The following ADGRL3 variants were observed in gnomAD, a reference collection of about 807,000 sequenced individuals.
ADGRL3 encodes adhesion G protein-coupled receptor L3, also known as calcium-independent alpha-latrotoxin receptor 3.
ADGRL3 carries 62 observed loss-of-function variants against 153.5 expected under a neutral mutation model. The ratio of observed to expected loss-of-function variants is 0.40; its 90% CI spans 0.33 to 0.50. The LOEUF is 0.50. ADGRL3 is among the 20% of genes least tolerant of loss of function. The probability of loss-of-function intolerance (pLI) is 0.47; values close to 1 mark genes in which losing one functional copy is unlikely to be tolerated. For synonymous variants in ADGRL3, 710 were observed against 672.5 expected, an observed-to-expected ratio of 1.06 and a Z score of -0.86; for missense variants, 1,641 against 1,859.4, an observed-to-expected ratio of 0.88 and a Z score of 2.16.
chr4:61,401,074 T>A (rs936740460), intron 2 of ADGRL3, among the ~76,000 whole-genome samples: 2 of 151,750 alleles, frequency 1.3e-5, no homozygotes, highest in African/African-American at 4.8e-5. Context: ...TCTTTTTTTT[T>A]TTAAAAAAAA....
At chr4:61,993,164 T>TGTGTGTGTG (rs2099109254) in intron 19 of ADGRL3, among the ~76,000 whole-genome samples, 2 of 138,424 alleles carry the variant, frequency 1.4e-5, no homozygotes, top group Non-Finnish European at 3.1e-5. Flanking sequence ...TGGGCTGCAG[T>TGTGTGTGTG]TGTGTGTGTG....
At chr4:61,607,811 C>T (rs1249397397) in intron 5 of ADGRL3, among the ~76,000 whole-genome samples, 1 of 152,124 alleles carries the variant, frequency 6.6e-6, no homozygotes, top group Non-Finnish European at 1.5e-5. Flanking sequence ...AGCCCCTGAA[C>T]AAGGAAGAGA....
chr4:61,409,539 A>G (rs1301928196), intron 2 of ADGRL3, among the ~76,000 whole-genome samples: 1 of 150,898 alleles, frequency 6.6e-6, no homozygotes, highest in Admixed American at 6.7e-5. Flanking sequence ...ATTAATTCAT[A>G]GTTCCAAAAT....
At chr4:61,311,191 A>G (rs2094989878) in intron 1 of ADGRL3, among the ~76,000 whole-genome samples, 5 of 152,306 alleles carry the variant, frequency 3.3e-5, no homozygotes, top group Admixed American at 2.6e-4. Context: ...TATTAACACC[A>G]TAAAGTTTGG....
At chr4:61,417,932 T>C (rs1203595853) in intron 2 of ADGRL3, among the ~76,000 whole-genome samples, 1 of 152,158 alleles carries the variant, frequency 6.6e-6, no homozygotes, top group Non-Finnish European at 1.5e-5. Flanking sequence ...AAATGAAAGA[T>C]GAATTTTAGG....
At chr4:61,475,859 C>A (rs1159613872) in intron 2 of ADGRL3, among the ~76,000 whole-genome samples, 2 of 151,370 alleles carry the variant, frequency 1.3e-5, no homozygotes, top group African/African-American at 2.4e-5. Context: ...ATGTGTAGAT[C>A]ATGTACTGAT....
At chr4:62,043,829 G>A (rs9312085) in intron 24 of ADGRL3, among the ~76,000 whole-genome samples, 4,260 of 152,012 alleles carry the variant, frequency 0.028, 207 homozygotes, top group African/African-American at 0.099. Context: ...TTAGTTACCT[G>A]TAAAACTTCC....
intron 9 of ADGRL3, among the ~76,000 whole-genome samples, chr4:61,864,928 T>C (rs987229897): frequency 1.3e-5 from 2 of 152,188 alleles, no homozygotes; most frequent in African/African-American, 4.8e-5. Flanking sequence ...TGTATTTTGT[T>C]GTTGTTTTGT....
intron 8 of ADGRL3, among the ~76,000 whole-genome samples, chr4:61,763,580 C>A (rs534571336): frequency 3.1e-4 from 47 of 152,018 alleles, no homozygotes; most frequent in Non-Finnish European, 6.2e-4. Flanking sequence ...ATGCTATTTC[C>A]TCACGGTATA....
At chr4:61,745,522 T>C (rs1189159053) in intron 8 of ADGRL3, among the ~76,000 whole-genome samples, 1 of 152,096 alleles carries the variant, frequency 6.6e-6, no homozygotes. Context: ...CGGCAGAAAC[T>C]CTACAAGCCA....
intron 2 of ADGRL3, among the ~76,000 whole-genome samples, chr4:61,398,093 C>T (rs905928411): frequency 1.3e-5 from 2 of 151,788 alleles, no homozygotes; most frequent in African/African-American, 4.8e-5. Flanking sequence ...TTTACTTTAC[C>T]TTGTGAACAA....
At chr4:61,668,032 C>T (rs1447968247) in intron 5 of ADGRL3, among the ~76,000 whole-genome samples, 1 of 152,186 alleles carries the variant, frequency 6.6e-6, no homozygotes, top group African/African-American at 2.4e-5. Context: ...TTATGATCTT[C>T]TCCATAACCT....
intron 2 of ADGRL3, among the ~76,000 whole-genome samples, chr4:61,411,836 G>A (rs6843417): frequency 0.031 from 4,709 of 152,116 alleles, 226 homozygotes; most frequent in East Asian, 0.21. Context: ...ACATTTTCAG[G>A]AGAAATGATA....
At chr4:61,663,163 A>G (rs772682570) in intron 5 of ADGRL3, among the ~76,000 whole-genome samples, 7 of 152,150 alleles carry the variant, frequency 4.6e-5, no homozygotes, top group Non-Finnish European at 8.8e-5. Context: ...CAGGGCTGAA[A>G]GACACTCCTT....
At chr4:61,540,658 A>G (rs1452510420) in intron 4 of ADGRL3, among the ~76,000 whole-genome samples, 1 of 152,242 alleles carries the variant, frequency 6.6e-6, no homozygotes, top group Non-Finnish European at 1.5e-5. Context: ...GCATATTCCT[A>G]AAACTGGATT....
intron 2 of ADGRL3, among the ~76,000 whole-genome samples, chr4:61,412,188 C>G (rs1483723579): frequency 6.6e-6 from 1 of 152,112 alleles, no homozygotes; most frequent in Non-Finnish European, 1.5e-5. Flanking sequence ...TCAAGTCTTC[C>G]TCCCATCTCA....
intron 9 of ADGRL3, among the ~76,000 whole-genome samples, chr4:61,849,734 C>T (rs1024252715): frequency 3.9e-5 from 6 of 151,988 alleles, no homozygotes; most frequent in African/African-American, 1.4e-4. Flanking sequence ...ATATTATGCT[C>T]GTTTAATATC....
At chr4:61,402,652 A>G (rs1350349730) in intron 2 of ADGRL3, among the ~76,000 whole-genome samples, 2 of 152,098 alleles carry the variant, frequency 1.3e-5, no homozygotes, top group East Asian at 3.9e-4. Flanking sequence ...AAAGAAATGA[A>G]CTGGGTATGT....
At chr4:61,513,493 T>C (rs1029969132) in intron 3 of ADGRL3, among the ~76,000 whole-genome samples, 2 of 152,158 alleles carry the variant, frequency 1.3e-5, no homozygotes, top group East Asian at 1.9e-4. Context: ...TGATGGCTTT[T>C]GATATTTAAG....
Sources: allele counts gnomAD v4.1 joint callset (sites outside exome capture counted in the v4.1 genomes callset), GRCh38; gene constraint gnomAD v4.1.1; transcripts MANE v1.5; gene names NCBI Gene and HGNC (gene_info 2026-07-23, HGNC 2026-07-21).